PLCXD3: variants seen among roughly 807,000 people sequenced by gnomAD.
PLCXD3 encodes the protein phosphatidylinositol specific phospholipase C X domain containing 3.
PLCXD3 carries 19 observed loss-of-function variants against 25.5 expected under a neutral mutation model. The ratio of observed to expected loss-of-function variants is 0.75; its 90% confidence interval spans 0.52 to 1.09. The LOEUF is 1.09. Ranked by LOEUF, PLCXD3 falls within the 50% of genes least tolerant of loss-of-function variation. PLCXD3 has a pLI of 0.00. For missense variants in PLCXD3, 411 were observed against 388.1 expected, an observed-to-expected ratio of 1.06 and a Z score of -0.50; for synonymous variants, 174 against 137.6, an observed-to-expected ratio of 1.26 and a Z score of -1.85.
chr5:41,338,287 T>C (rs958433783), intron 2 of PLCXD3, among the ~76,000 whole-genome samples: 13 of 152,038 alleles, frequency 8.6e-5, no homozygotes, highest in African/African-American at 2.9e-4. Context: ...TTGAAGCCTC[T>C]TTGATGTTCA....
At chr5:41,455,937 A>G (rs1747742635) in intron 1 of PLCXD3, among the ~76,000 whole-genome samples, 1 of 152,012 alleles carries the variant, frequency 6.6e-6, no homozygotes, top group Admixed American at 6.6e-5. Context: ...GTTAAAAACA[A>G]TGCATGTAAG....
intron 1 of PLCXD3, among the ~76,000 whole-genome samples, chr5:41,500,303 C>T (rs868623518): frequency 2.0e-5 from 3 of 151,742 alleles, no homozygotes; most frequent in Non-Finnish European, 4.4e-5. Context: ...GTCACATTAT[C>T]GTAAGTGAAA....
At chr5:41,324,794 A>G (rs1743578084) in intron 2 of PLCXD3, among the ~76,000 whole-genome samples, 1 of 152,144 alleles carries the variant, frequency 6.6e-6, no homozygotes, top group Non-Finnish European at 1.5e-5. Flanking sequence ...TAGTATCACA[A>G]CCAGTGTATT....
chr5:41,423,512 C>A (rs1041009425), intron 1 of PLCXD3, among the ~76,000 whole-genome samples: 4 of 151,970 alleles, frequency 2.6e-5, no homozygotes, highest in African/African-American at 9.7e-5. Flanking sequence ...CTTTTTTCAT[C>A]AATTTTTCCA....
At chr5:41,377,564 C>A (rs1001954760) in intron 2 of PLCXD3, among the ~76,000 whole-genome samples, 1 of 151,890 alleles carries the variant, frequency 6.6e-6, no homozygotes, top group African/African-American at 2.4e-5. Flanking sequence ...GGGTGAGGTG[C>A]AAAAACTGGT....
At chr5:41,468,472 CTA>C (rs1369746424) in intron 1 of PLCXD3, among the ~76,000 whole-genome samples, 3 of 152,086 alleles carry the variant, frequency 2.0e-5, no homozygotes, top group East Asian at 3.9e-4. Context: ...GGTGGTATGA[CTA>C]TTTTCACAAA....
intron 1 of PLCXD3, among the ~76,000 whole-genome samples, chr5:41,431,447 T>A (rs1211589258): frequency 6.6e-6 from 1 of 152,208 alleles, no homozygotes; most frequent in Non-Finnish European, 1.5e-5. Flanking sequence ...GGTTACAGAT[T>A]TATTCATACA....
intron 1 of PLCXD3, among the ~76,000 whole-genome samples, chr5:41,403,247 T>C (rs1295686863): frequency 6.6e-6 from 1 of 150,902 alleles, no homozygotes; most frequent in African/African-American, 2.4e-5. Flanking sequence ...GGGGTTCTTT[T>C]AAAACTAAAA....
At chr5:41,491,367 T>G (rs965146957) in intron 1 of PLCXD3, among the ~76,000 whole-genome samples, 1 of 152,168 alleles carries the variant, frequency 6.6e-6, no homozygotes, top group African/African-American at 2.4e-5. Flanking sequence ...TATGGTCAAT[T>G]TTGGAATAGG....
At chr5:41,318,089 C>A (rs1262668742) in intron 2 of PLCXD3, among the ~76,000 whole-genome samples, 4 of 151,858 alleles carry the variant, frequency 2.6e-5, no homozygotes, top group African/African-American at 9.7e-5. Context: ...GGATGTCTGG[C>A]AAAAATATCC....
At chr5:41,490,921 T>G (rs1170759535) in intron 1 of PLCXD3, among the ~76,000 whole-genome samples, 1 of 152,196 alleles carries the variant, frequency 6.6e-6, no homozygotes, top group Admixed American at 6.5e-5. Flanking sequence ...GGGTTTTTTG[T>G]GTCTCTATTT....
chr5:41,396,933 C>G (rs939184368), intron 1 of PLCXD3, among the ~76,000 whole-genome samples: 2 of 152,202 alleles, frequency 1.3e-5, no homozygotes, highest in Non-Finnish European at 1.5e-5. Context: ...CAGATGTGGC[C>G]TTGCTGCTTC....
intron 2 of PLCXD3, among the ~76,000 whole-genome samples, chr5:41,316,138 G>A (rs1269793800): frequency 6.6e-6 from 1 of 152,174 alleles, no homozygotes; most frequent in Admixed American, 6.5e-5. Flanking sequence ...AGAATGGTGA[G>A]GACTTTGTCT....
At chr5:41,414,303 C>T (rs941251009) in intron 1 of PLCXD3, among the ~76,000 whole-genome samples, 1 of 151,738 alleles carries the variant, frequency 6.6e-6, no homozygotes, top group South Asian at 2.1e-4. Flanking sequence ...GGCGCGATCT[C>T]GGCTCACCGC....
intron 2 of PLCXD3, among the ~76,000 whole-genome samples, chr5:41,341,684 T>A (rs1744152531): frequency 6.6e-6 from 1 of 151,930 alleles, no homozygotes; most frequent in Non-Finnish European, 1.5e-5. Context: ...CCATAAAGGG[T>A]GGGTGGTGGA....
chr5:41,477,008 A>T (rs959056326), intron 1 of PLCXD3, among the ~76,000 whole-genome samples: 2 of 152,076 alleles, frequency 1.3e-5, no homozygotes, highest in Admixed American at 6.6e-5. Flanking sequence ...TGTTCTTCCC[A>T]TTTCCTGCTG....
Position 41,324,741 on chromosome 5 carries a change from G to A in PLCXD3, c.813-10971C>T, listed in dbSNP as rs773717465. Reference sequence around the variant, plus strand: ...ATGAAGTGGCTCTGCTGTGCCTGTCGCATCACCTTTGCATATATGAGAAGA... The same window carrying A: ...ATGAAGTGGCTCTGCTGTGCCTGTCACATCACCTTTGCATATATGAGAAGA... On this transcript the variant is annotated intron_variant, in intron 2 of 2. Coordinates refer to ENST00000377801, the MANE Select transcript of PLCXD3 (RefSeq NM_001005473.3). Among the ~76,000 whole-genome samples the A allele has an allele frequency of 1.4e-4, 22 of 152,116 alleles. 1 individual carries two copies. Among genetic ancestry groups the A allele is most frequent in the Admixed American group, 6.6e-4 (10 of 15,262 alleles).
chr5:41,440,143 T>C (rs1362881147), intron 1 of PLCXD3, among the ~76,000 whole-genome samples: 1 of 150,606 alleles, frequency 6.6e-6, no homozygotes, highest in Non-Finnish European at 1.5e-5. Flanking sequence ...TGGGTTCAGA[T>C]CTTAGCTCCG....
In PLCXD3 at chr5:41,489,906, C is replaced by T. The variant is rs571137396; in HGVS notation, c.103+20518G>A. On this transcript the variant is annotated intron_variant, in intron 1 of 2. Transcript: ENST00000377801. ...CAGGGACAATTTGACTTCCTCTTTT[C>T]CTAATTGAATACCCTTGATTTCCTT... Among the ~76,000 whole-genome samples the T allele has an allele frequency of 2.0e-3, 308 of 151,866 alleles. 1 individual carries two copies. Among genetic ancestry groups the T allele is most frequent in the African/African-American group, 6.9e-3 (286 of 41,348 alleles).
Sources: allele counts gnomAD v4.1 joint callset (sites outside exome capture counted in the v4.1 genomes callset), GRCh38; gene constraint gnomAD v4.1.1; transcripts MANE v1.5; gene names NCBI Gene and HGNC (gene_info 2026-07-23, HGNC 2026-07-21).